The following PLEKHG1 variants were observed in gnomAD, a reference collection of about 807,000 sequenced individuals.
PLEKHG1 encodes pleckstrin homology and RhoGEF domain containing G1.
In PLEKHG1, 44 loss-of-function variants were observed where a neutral mutation model predicts 100.8. The observed-to-expected ratio is 0.44, with a 90% CI of 0.34 to 0.56. The LOEUF (loss-of-function observed/expected upper bound fraction) is 0.56. Ranked by LOEUF, PLEKHG1 falls within the 20% of genes least tolerant of loss-of-function variation. PLEKHG1 has a pLI of 0.01. For missense variants in PLEKHG1, 1,545 were observed against 1,720.9 expected, an observed-to-expected ratio of 0.90 and a Z score of 1.81; for synonymous variants, 640 against 662.5, an observed-to-expected ratio of 0.97 and a Z score of 0.52.
At chr6:150,730,282 C>T (rs1434109982) in intron 1 of PLEKHG1, among the ~76,000 whole-genome samples, 1 of 122,824 alleles carries the variant, frequency 8.1e-6, no homozygotes, top group Non-Finnish European at 1.6e-5. Flanking sequence ...ACACCAGGGA[C>T]TGGTTTCATG....
intron 2 of PLEKHG1, among the ~76,000 whole-genome samples, chr6:150,755,222 C>T (rs138110355): frequency 5.3e-4 from 79 of 150,084 alleles, no homozygotes; most frequent in Middle Eastern, 3.7e-3. Context: ...ACAATCCTTC[C>T]GCCTAGGCCT....
chr6:150,620,782 C>T (rs564864335), intron 1 of PLEKHG1, among the ~76,000 whole-genome samples: 2 of 152,234 alleles, frequency 1.3e-5, no homozygotes, highest in Admixed American at 1.3e-4. Context: ...GAGGCTCTGC[C>T]CTCGTGGGGT....
intron 1 of PLEKHG1, among the ~76,000 whole-genome samples, chr6:150,619,830 C>T (rs1463402417): frequency 6.6e-6 from 1 of 152,210 alleles, no homozygotes; most frequent in African/African-American, 2.4e-5. Context: ...CTCCACTTCT[C>T]ATAGGAGCAC....
intron 1 of PLEKHG1, among the ~76,000 whole-genome samples, chr6:150,722,349 C>CTTTTTTTTTTTTTTTTTT (rs139069069): frequency 2.3e-4 from 21 of 90,674 alleles, no homozygotes; most frequent in South Asian, 3.6e-4. Context: ...TTTTTCTTTT[C>CTTTTTTTTTTTTTTTTTT]TTTTTTTTTT....
chr6:150,641,948 T>A (rs1299304966), intron 2 of PLEKHG1, among the ~76,000 whole-genome samples: 1 of 137,476 alleles, frequency 7.3e-6, no homozygotes, highest in African/African-American at 2.8e-5. Flanking sequence ...GTGATGTAAG[T>A]AACCCTTTTT....
intron 3 of PLEKHG1, among the ~76,000 whole-genome samples, chr6:150,667,024 C>T (rs923614316): frequency 6.6e-6 from 1 of 152,070 alleles, no homozygotes; most frequent in Non-Finnish European, 1.5e-5. Flanking sequence ...TCCCAAAGTG[C>T]TGGGATTACA....
intron 2 of PLEKHG1, among the ~76,000 whole-genome samples, chr6:150,766,477 G>C (rs1310220306): frequency 2.0e-5 from 3 of 152,186 alleles, no homozygotes; most frequent in Non-Finnish European, 4.4e-5. Context: ...GCTAGTCTAG[G>C]GTTAAAGTAT....
chr6:150,674,330 T>C (rs1388635548), intron 3 of PLEKHG1, among the ~76,000 whole-genome samples: 1 of 152,098 alleles, frequency 6.6e-6, no homozygotes, highest in African/African-American at 2.4e-5. Context: ...TAACAGAAAG[T>C]TCAGTTAAGC....
chr6:150,670,889 C>T (rs1779560024), intron 3 of PLEKHG1, among the ~76,000 whole-genome samples: 2 of 148,574 alleles, frequency 1.3e-5, no homozygotes, highest in African/African-American at 2.5e-5. Flanking sequence ...CCCATTCTTT[C>T]CCCCAAGTCT....
intron 2 of PLEKHG1, 93 bp downstream of exon 3, chr6:150,734,185 C>T: frequency 1.6e-6 from 2 of 1,244,080 alleles, no homozygotes; most frequent in Non-Finnish European, 2.3e-6. Flanking sequence ...GGGATGTCTT[C>T]TAAGAGGCGG....
intron 3 of PLEKHG1, among the ~76,000 whole-genome samples, chr6:150,673,483 A>G (rs1779642323): frequency 6.6e-6 from 1 of 152,200 alleles, no homozygotes; most frequent in South Asian, 2.1e-4. Context: ...AATATATTCA[A>G]GAACACTTCT....
intron 1 of PLEKHG1, among the ~76,000 whole-genome samples, chr6:150,613,613 C>T (rs1425759981): frequency 2.0e-5 from 3 of 152,214 alleles, no homozygotes; most frequent in Non-Finnish European, 2.9e-5. Flanking sequence ...CACTTTCTTC[C>T]TCCATCCTTG....
intron 3 of PLEKHG1, among the ~76,000 whole-genome samples, chr6:150,664,713 G>A (rs1480780265): frequency 6.6e-6 from 1 of 152,080 alleles, no homozygotes; most frequent in African/African-American, 2.4e-5. Flanking sequence ...GGAAGGTGCT[G>A]GCAGTTCAGC....
At chr6:150,782,495 A>G (rs1342236616) in intron 3 of PLEKHG1, among the ~76,000 whole-genome samples, 2 of 152,220 alleles carry the variant, frequency 1.3e-5, no homozygotes, top group Non-Finnish European at 2.9e-5. Context: ...GTTTCAGTGT[A>G]ATATGAAGGA....
intron 3 of PLEKHG1, among the ~76,000 whole-genome samples, chr6:150,670,109 C>G (rs932063593): frequency 1.3e-5 from 2 of 152,080 alleles, no homozygotes; most frequent in African/African-American, 4.8e-5. Context: ...TATTTTTCTT[C>G]ATAAGCCCCA....
chr6:150,811,918 T>TG (rs1368173445), intron 10 of PLEKHG1, among the ~76,000 whole-genome samples: 1 of 152,118 alleles, frequency 6.6e-6, no homozygotes, highest in Non-Finnish European at 1.5e-5. Flanking sequence ...GGAGTGAGGT[T>TG]GGAGGCTGGA....
chr6:150,701,417 T>TCA (rs1780768227), intron 3 of PLEKHG1, among the ~76,000 whole-genome samples: 2 of 31,156 alleles, frequency 6.4e-5, no homozygotes, highest in African/African-American at 3.0e-4. Flanking sequence ...CAGTAATTCT[T>TCA]TATATATATA....
exon 16 of PLEKHG1, chr6:150,840,116 T>C: frequency 6.2e-7 from 1 of 1,614,262 alleles, no homozygotes; most frequent in East Asian, 2.2e-5. Context: ...TGTCCGCAGC[T>C]TGCTCTGTGC....
At chr6:150,779,344 G>GTTTTT (rs71554482) in intron 3 of PLEKHG1, among the ~76,000 whole-genome samples, 4 of 104,534 alleles carry the variant, frequency 3.8e-5, no homozygotes, top group African/African-American at 8.6e-5. Flanking sequence ...TTGTCAAGAA[G>GTTTTT]TTTTTTTTTT....
Sources: allele counts gnomAD v4.1 joint callset (sites outside exome capture counted in the v4.1 genomes callset), GRCh38; gene constraint gnomAD v4.1.1; transcripts MANE v1.5; gene names NCBI Gene and HGNC (gene_info 2026-07-23, HGNC 2026-07-21).